PCSK5: variants seen among roughly 807,000 people sequenced by gnomAD.
PCSK5 encodes the protein proprotein convertase subtilisin/kexin type 5.
A neutral mutation model predicts 233.2 loss-of-function variants in PCSK5; 129 were observed. That is an observed-to-expected ratio of 0.55 (90% CI 0.48 to 0.64). The LOEUF is 0.64. PCSK5 is among the 30% of genes least tolerant of loss of function. The pLI, the probability that PCSK5 is intolerant of heterozygous loss-of-function variation, is 0.00. For missense variants in PCSK5, 2,076 were observed against 2,430.1 expected (o/e 0.85, Z 3.06); for synonymous variants, 825 against 879.2 (o/e 0.94, Z 1.09).
chr9:76,083,204 C>CA (rs11324176), intron 7 of PCSK5, among the ~76,000 whole-genome samples: 1,819 of 75,174 alleles, frequency 0.024, 36 homozygotes, highest in African/African-American at 0.045. Flanking sequence ...AGCGAGATCT[C>CA]AAAAAAAAAA....
intron 1 of PCSK5, among the ~76,000 whole-genome samples, chr9:75,905,264 T>G (rs889266994): frequency 5.3e-5 from 8 of 152,134 alleles, no homozygotes; most frequent in Non-Finnish European, 7.3e-5. Flanking sequence ...ATCCCAACAC[T>G]TTGGGAGGTC....
In PCSK5 at chr9:76,239,078, C is replaced by T. The variant is rs775691537; in HGVS notation, c.2986C>T (p.His996Tyr). Residue 996 changes from histidine to tyrosine, a missense_variant, in exon 23 of 38, where the codon CAC (histidine) becomes TAC (tyrosine). By Grantham distance (83) the His-to-Tyr change is moderately conservative. This residue lies in a region of PCSK5 where 1,510 missense variants were observed against 1,538.1 expected (regional missense o/e 0.98). Transcript: ENST00000674117. The part of the protein sequence containing the change: ...LPCPDNCELC[H>Y]SVHVCTRCMK... ...CTGCCCAGACAACTGTGAGCTTTGC[C>T]ACAGCGTGCATGTCTGCACAAGATG... 1 of 1,610,196 alleles carries T rather than the reference C, an allele frequency of 6.2e-7. No homozygotes were observed. Among genetic ancestry groups the T allele is most frequent in the South Asian group, 1.1e-5 (1 of 90,288 alleles).
chr9:75,964,321 TATA>T (rs1825483984), intron 2 of PCSK5, among the ~76,000 whole-genome samples: 1 of 152,206 alleles, frequency 6.6e-6, no homozygotes, highest in African/African-American at 2.4e-5. Flanking sequence ...TATCTTATAT[TATA>T]ATGTTTTTCT....
rs552446752 is a variant in PCSK5, at chr9:76,005,412, CAT to C, written c.412-18323_412-18322del. ...TAATTTTATGTTAAAATATATAAAA[CAT>C]ATGGTTCAAAGTAAAATACGTAGAA... On this transcript the variant is annotated intron_variant, in intron 3 of 37. Coordinates refer to ENST00000674117, the MANE Select transcript of PCSK5 (RefSeq NM_001372043.1). Among the ~76,000 whole-genome samples the C allele has an allele frequency of 3.3e-4, 50 of 152,186 alleles. No homozygotes were observed. In the South Asian group the frequency reaches 9.5e-3, roughly 29 times the overall value.
intron 5 of PCSK5, among the ~76,000 whole-genome samples, chr9:76,053,070 C>G (rs574564823): frequency 6.6e-6 from 1 of 152,356 alleles, no homozygotes; most frequent in South Asian, 2.1e-4. Flanking sequence ...TTGCAGGGTA[C>G]AGCGCCCCTC....
At chr9:75,932,855 G>GA (rs1383864988) in intron 2 of PCSK5, among the ~76,000 whole-genome samples, 3 of 152,136 alleles carry the variant, frequency 2.0e-5, no homozygotes, top group Non-Finnish European at 4.4e-5. Flanking sequence ...TCCACAAAAG[G>GA]AGGGGTTTCT....
intron 22 of PCSK5, among the ~76,000 whole-genome samples, chr9:76,235,241 T>C (rs1826214478): frequency 6.6e-6 from 1 of 152,202 alleles, no homozygotes; most frequent in Admixed American, 6.5e-5. Flanking sequence ...CCCGCCTTTG[T>C]TACTGACGAG....
intron 30 of PCSK5, among the ~76,000 whole-genome samples, chr9:76,312,236 C>A (rs560502783): frequency 1.8e-4 from 28 of 152,248 alleles, no homozygotes; most frequent in Middle Eastern, 3.4e-3. Context: ...CCTGGCTGGG[C>A]GTGGTGGCTC....
intron 5 of PCSK5, among the ~76,000 whole-genome samples, chr9:76,063,319 C>CTTTTTTTTTTTTTTT (rs1157596601): frequency 8.4e-5 from 5 of 59,708 alleles, no homozygotes; most frequent in Admixed American, 2.8e-4. Flanking sequence ...TTTCTTTTTT[C>CTTTTTTTTTTTTTTT]TTTTTTTTTT....
At position 76,307,832 on chromosome 9, in the gene PCSK5, G is replaced by GA. The variant is rs544292190; in HGVS notation, c.3605-803dup. Among the ~76,000 whole-genome samples, 320 of 146,038 alleles carry GA rather than the reference G, an allele frequency of 2.2e-3. 3 individuals carry two copies. The South Asian group carries it at 0.044, about 20-fold the overall frequency. ...ATCTGATTTTCAAAGAACAAAAACA[G>GA]AAAAAAAAAAGAAAAGAAGTTCCTC... On this transcript the variant is annotated intron_variant, in intron 28 of 37. Coordinates refer to ENST00000674117, the MANE Select transcript of PCSK5 (RefSeq NM_001372043.1).
At chr9:76,180,094 T>TAC (rs1823790047) in intron 15 of PCSK5, among the ~76,000 whole-genome samples, 1 of 145,948 alleles carries the variant, frequency 6.9e-6, no homozygotes, top group Non-Finnish European at 1.5e-5. Context: ...TGTGTATATA[T>TAC]ATATATATAT....
At position 75,891,079 on chromosome 9, in the gene PCSK5, C is replaced by CCGGGGCTGCGAGCTGCGGCGGCA; in HGVS notation, c.-94_-93insGAGCTGCGGCGGCACGGGGCTGC. The CCGGGGCTGCGAGCTGCGGCGGCA allele has an allele frequency of 8.8e-7, 1 of 1,133,102 alleles. No homozygotes were observed. The highest frequency in any genetic ancestry group is 1.2e-6 in the Non-Finnish European group (1 of 866,420). The allele number at this position is 1,133,102 out of a possible 1,614,324, so 70.2% of individuals were successfully genotyped here. On this transcript the variant is annotated 5_prime_UTR_variant, in exon 1 of 38. Transcript: ENST00000674117. ...GCCCGGGGCTGCGAGCTGCGGCGGC[C>CCGGGGCTGCGAGCTGCGGCGGCA]CGGGGCTGCTCGCCGGGCGGCGCAG... is the stretch of plus-strand genomic sequence containing the variant.
intron 3 of PCSK5, among the ~76,000 whole-genome samples, chr9:76,008,406 A>C (rs1012642098): frequency 2.0e-5 from 3 of 151,384 alleles, no homozygotes; most frequent in Non-Finnish European, 2.9e-5. Flanking sequence ...CCAGGATTAG[A>C]TTCTTTAGAT....
At chr9:76,108,410 C>T (rs1832066330) in intron 9 of PCSK5, among the ~76,000 whole-genome samples, 1 of 152,140 alleles carries the variant, frequency 6.6e-6, no homozygotes, top group African/African-American at 2.4e-5. Flanking sequence ...AGAGCGATAG[C>T]CAGTGACAGA....
intron 1 of PCSK5, among the ~76,000 whole-genome samples, chr9:75,912,910 ATCCT>A (rs1822811249): frequency 6.6e-6 from 1 of 152,062 alleles, no homozygotes; most frequent in African/African-American, 2.4e-5. Flanking sequence ...CTCATACCAG[ATCCT>A]TTCTAGAATG....
At chr9:76,009,949 T>A (rs1827658907) in intron 3 of PCSK5, among the ~76,000 whole-genome samples, 1 of 152,190 alleles carries the variant, frequency 6.6e-6, no homozygotes, top group Non-Finnish European at 1.5e-5. Flanking sequence ...TCCAAGCCAG[T>A]CACGGGATGC....
At chr9:76,023,369 A>G (rs1828283172) in intron 3 of PCSK5, among the ~76,000 whole-genome samples, 1 of 152,156 alleles carries the variant, frequency 6.6e-6, no homozygotes, top group Non-Finnish European at 1.5e-5. Flanking sequence ...TTAATGCATT[A>G]TCTTAAGAAG....
chr9:76,134,456 C>T (rs556765751), intron 10 of PCSK5, among the ~76,000 whole-genome samples: 1 of 152,064 alleles, frequency 6.6e-6, no homozygotes, highest in African/African-American at 2.4e-5. Flanking sequence ...GACCAACCCC[C>T]ATGTATAGTC....
At chr9:75,890,406 A>T (rs1291012472), upstream of PCSK5, among the ~76,000 whole-genome samples, 1 of 152,176 alleles carries the variant, frequency 6.6e-6, no homozygotes, top group Non-Finnish European at 1.5e-5. Context: ...CGGTAAATTC[A>T]TACAAATCCA....
Sources: gnomAD v4.1 joint callset for allele counts (sites outside exome capture counted in the v4.1 genomes callset) on GRCh38, gnomAD v4.1.1 for gene constraint, gnomAD v4.1.1 regional missense constraint, MANE v1.5 for transcripts, NCBI Gene and HGNC (gene_info 2026-07-23, HGNC 2026-07-21) for gene names.